Variants in RALYL observed in about 807,000 individuals in gnomAD.
RALYL encodes RNA-binding Raly-like protein.
RALYL carries 29 observed loss-of-function variants against 35.1 expected under a neutral mutation model. The ratio of observed to expected loss-of-function variants is 0.83; its 90% confidence interval spans 0.61 to 1.13. The LOEUF is 1.13. RALYL is among the 50% of genes most tolerant of loss of function. The pLI, the probability that RALYL is intolerant of heterozygous loss-of-function variation, is 0.00. For synonymous variants in RALYL, 120 were observed against 127.6 expected, an observed-to-expected ratio of 0.94 and a Z score of 0.40; for missense variants, 359 against 360.4, an observed-to-expected ratio of 1.00 and a Z score of 0.03.
intron 1 of RALYL, among the ~76,000 whole-genome samples, chr8:84,262,141 T>C (rs1832430706): frequency 6.6e-6 from 1 of 152,186 alleles, no homozygotes; most frequent in African/African-American, 2.4e-5. Context: ...AGAACAGGGA[T>C]TTTTGATATG....
chr8:84,496,485 GATC>G (rs1242624557), intron 1 of RALYL, among the ~76,000 whole-genome samples: 1 of 151,980 alleles, frequency 6.6e-6, no homozygotes, highest in Non-Finnish European at 1.5e-5. Flanking sequence ...CCTATAATGT[GATC>G]ATCTCACAAC....
At chr8:84,521,497 G>C (rs1315952697) in intron 1 of RALYL, among the ~76,000 whole-genome samples, 1 of 152,174 alleles carries the variant, frequency 6.6e-6, no homozygotes, top group Non-Finnish European at 1.5e-5. Flanking sequence ...TGTTTCATCT[G>C]CATGAATGTG....
At chr8:84,689,470 T>C (rs1387116987) in intron 2 of RALYL, among the ~76,000 whole-genome samples, 1 of 152,326 alleles carries the variant, frequency 6.6e-6, no homozygotes, top group Admixed American at 6.5e-5. Flanking sequence ...CTTAATCCAG[T>C]CTATCATTGT....
At chr8:84,461,947 T>C (rs115525125) in intron 1 of RALYL, among the ~76,000 whole-genome samples, 2,507 of 151,726 alleles carry the variant, frequency 0.017, 69 homozygotes, top group African/African-American at 0.057. Context: ...ATTCACTCTT[T>C]ATGTTATACT....
intron 2 of RALYL, among the ~76,000 whole-genome samples, chr8:84,752,672 T>G (rs1455260964): frequency 6.6e-6 from 1 of 152,110 alleles, no homozygotes; most frequent in Admixed American, 6.6e-5. Flanking sequence ...AGCTGCTCCA[T>G]CTCCAGCAGT....
intron 1 of RALYL, among the ~76,000 whole-genome samples, chr8:84,367,809 C>A (rs1461791258): frequency 6.6e-6 from 1 of 152,012 alleles, no homozygotes; most frequent in Non-Finnish European, 1.5e-5. Flanking sequence ...GTAAGATATC[C>A]TAGCAAATAA....
intron 1 of RALYL, among the ~76,000 whole-genome samples, chr8:84,320,810 T>G (rs1037574964): frequency 6.6e-6 from 1 of 152,112 alleles, no homozygotes; most frequent in East Asian, 1.9e-4. Context: ...TAGTTTTAGA[T>G]TCTTCATGAA....
chr8:84,332,124 G>T (rs890790158), intron 1 of RALYL, among the ~76,000 whole-genome samples: 1 of 152,014 alleles, frequency 6.6e-6, no homozygotes, highest in African/African-American at 2.4e-5. Flanking sequence ...CAGGCAACGT[G>T]GCTCCCTCAA....
At chr8:84,296,253 A>G (rs1839719909) in intron 1 of RALYL, among the ~76,000 whole-genome samples, 1 of 152,162 alleles carries the variant, frequency 6.6e-6, no homozygotes, top group Admixed American at 6.6e-5. Flanking sequence ...ATAACTTGGC[A>G]TCTGCTACTG....
chr8:84,271,066 A>T (rs1323173765), intron 1 of RALYL, among the ~76,000 whole-genome samples: 1 of 152,148 alleles, frequency 6.6e-6, no homozygotes, highest in Non-Finnish European at 1.5e-5. Flanking sequence ...ACTTTATCAA[A>T]TTAAAAATAT....
chr8:84,584,977 T>C lies in RALYL; in HGVS notation c.256+55400T>C, dbSNP rs1985489. ...CCTAGAGCAGCCCTGTTCTATGCCA[T>C]ATTATTCAATATCTAGGGTAATGCA... is the stretch of plus-strand genomic sequence containing the variant. On this transcript the variant is annotated intron_variant, in intron 2 of 8. Coordinates refer to ENST00000521268, the MANE Select transcript of RALYL (RefSeq NM_173848.7). Among the ~76,000 whole-genome samples, 923 of 152,322 alleles carry C rather than the reference T, an allele frequency of 6.1e-3. 10 individuals carry two copies. The highest frequency in any genetic ancestry group is 0.021 in the African/African-American group (854 of 41,576).
chr8:84,593,743 T>C (rs143944728), intron 2 of RALYL, among the ~76,000 whole-genome samples: 147 of 152,220 alleles, frequency 9.7e-4, no homozygotes, highest in Middle Eastern at 3.4e-3. Flanking sequence ...GTTTATTCAT[T>C]CTTCACCTTA....
chr8:84,357,554 T>C, intron 1 of RALYL, among the ~76,000 whole-genome samples: 1 of 151,870 alleles, frequency 6.6e-6, no homozygotes, highest in East Asian at 1.9e-4. Context: ...TGCTAGTGAT[T>C]TCAAAGTGAA....
intron 1 of RALYL, among the ~76,000 whole-genome samples, chr8:84,261,654 A>C (rs924242444): frequency 2.0e-5 from 3 of 152,132 alleles, no homozygotes; most frequent in Admixed American, 1.3e-4. Flanking sequence ...TTTTCTATAG[A>C]ACACTATTTT....
At chr8:84,688,554 C>T (rs1334932645) in intron 2 of RALYL, among the ~76,000 whole-genome samples, 1 of 151,930 alleles carries the variant, frequency 6.6e-6, no homozygotes, top group Non-Finnish European at 1.5e-5. Flanking sequence ...TCTTGTTTTA[C>T]CCTATATACA....
At chr8:84,682,653 G>T (rs979889739) in intron 2 of RALYL, among the ~76,000 whole-genome samples, 8 of 152,170 alleles carry the variant, frequency 5.3e-5, no homozygotes, top group African/African-American at 1.9e-4. Context: ...ATTCTCTGAT[G>T]GTATTTTGTA....
Position 84,854,387 on chromosome 8 carries a change from T to C in RALYL, c.413+4360T>C, listed in dbSNP as rs570836025. On this transcript the variant is annotated intron_variant, in intron 5 of 8. Transcript: ENST00000521268. Reference sequence around the variant, plus strand: ...AAGGAAGAAAAAGAAAAAAAAATAATGGTAGATGTATTTCTCATATTGACA... The same window carrying C: ...AAGGAAGAAAAAGAAAAAAAAATAACGGTAGATGTATTTCTCATATTGACA... Among the ~76,000 whole-genome samples, 585 of 152,062 alleles carry C rather than the reference T, an allele frequency of 3.8e-3. 2 individuals carry two copies. The highest frequency in any genetic ancestry group is 6.8e-3 in the Middle Eastern group (2 of 294).
At chr8:84,757,753 CA>C (rs1259950458) in intron 2 of RALYL, among the ~76,000 whole-genome samples, 2 of 152,068 alleles carry the variant, frequency 1.3e-5, no homozygotes, top group Non-Finnish European at 2.9e-5. Flanking sequence ...TAGTCATATT[CA>C]ATCTGAAAGT....
chr8:84,308,082 C>T (rs1842151642), intron 1 of RALYL, among the ~76,000 whole-genome samples: 1 of 146,630 alleles, frequency 6.8e-6, no homozygotes, highest in Admixed American at 6.8e-5. Context: ...ACAAAAGCCA[C>T]ATATAAATAG....
Sources: allele counts gnomAD v4.1 joint callset (sites outside exome capture counted in the v4.1 genomes callset), GRCh38; gene constraint gnomAD v4.1.1; transcripts MANE v1.5; gene names NCBI Gene and HGNC (gene_info 2026-07-23, HGNC 2026-07-21).